Variants in TASP1 observed in about 807,000 individuals in gnomAD.
TASP1 encodes the protein taspase 1.
TASP1 carries 16 observed loss-of-function variants against 56.6 expected under a neutral mutation model. The ratio of observed to expected loss-of-function variants is 0.28; its 90% CI spans 0.19 to 0.43. The LOEUF (loss-of-function observed/expected upper bound fraction) is 0.43. Among genes scored for constraint, TASP1 ranks in the 20% least tolerant of loss-of-function variants. The pLI is 1.00. For synonymous variants in TASP1, 179 were observed against 184.2 expected, an observed-to-expected ratio of 0.97 and a Z score of 0.23; for missense variants, 393 against 511.6, an observed-to-expected ratio of 0.77 and a Z score of 2.24.
chr20:13,615,467 A>G (rs2048488738), intron 4 of TASP1, among the ~76,000 whole-genome samples: 1 of 151,248 alleles, frequency 6.6e-6, no homozygotes, highest in African/African-American at 2.4e-5. Flanking sequence ...AAAGAGAGAG[A>G]GGAGAGCAAG....
chr20:13,106,778 C>A, the TASP1 span, among the ~76,000 whole-genome samples: 1 of 152,210 alleles, frequency 6.6e-6, no homozygotes, highest in Non-Finnish European at 1.5e-5. Context: ...TGGGCATTTT[C>A]TTTTCCTGTC....
the TASP1 span, chr20:13,164,865 T>G: frequency 1.2e-6 from 2 of 1,612,018 alleles, no homozygotes; most frequent in Non-Finnish European, 1.7e-6. Context: ...ACTCGAAGAT[T>G]AAGTTTCCTG....
At chr20:13,638,223 A>AATT (rs1204484067) in intron 1 of TASP1, among the ~76,000 whole-genome samples, 1 of 152,194 alleles carries the variant, frequency 6.6e-6, no homozygotes, top group Non-Finnish European at 1.5e-5. Context: ...TTCGCTAATA[A>AATT]AGAATAATAA....
chr20:13,275,647 G>C, the TASP1 span, among the ~76,000 whole-genome samples: 3 of 152,186 alleles, frequency 2.0e-5, no homozygotes, highest in African/African-American at 4.8e-5. Context: ...CAGCTATGTA[G>C]TATAATACTA....
the TASP1 span, among the ~76,000 whole-genome samples, chr20:13,351,784 AT>A: frequency 9.2e-5 from 14 of 152,254 alleles, no homozygotes; most frequent in African/African-American, 3.4e-4. Flanking sequence ...ATAAATTGAA[AT>A]TTTTTCAAAT....
chr20:13,242,700 T>C, the TASP1 span, among the ~76,000 whole-genome samples: 1 of 152,166 alleles, frequency 6.6e-6, no homozygotes, highest in Non-Finnish European at 1.5e-5. Context: ...GGCTGTTGTT[T>C]CTATGCTTAT....
chr20:13,580,212 C>G (rs1337004118), intron 6 of TASP1, among the ~76,000 whole-genome samples: 1 of 152,162 alleles, frequency 6.6e-6, no homozygotes, highest in African/African-American at 2.4e-5. Context: ...TCTGGGAGGC[C>G]AAGGCAGGAG....
the TASP1 span, chr20:13,239,569 G>A: frequency 2.0e-5 from 3 of 152,136 alleles, no homozygotes; most frequent in South Asian, 6.2e-4. Flanking sequence ...CAGGATACGT[G>A]GGCACATGAC....
intron 7 of TASP1, among the ~76,000 whole-genome samples, chr20:13,566,389 A>G (rs1019544575): frequency 5.9e-5 from 9 of 152,206 alleles, no homozygotes; most frequent in African/African-American, 2.2e-4. Context: ...ATGTTTACAG[A>G]AGCTTTATTC....
At chr20:13,479,238 T>C (rs947749949) in intron 11 of TASP1, among the ~76,000 whole-genome samples, 6 of 152,074 alleles carry the variant, frequency 3.9e-5, no homozygotes, top group African/African-American at 2.4e-5. Context: ...TGCATTGTAA[T>C]GAGAATCACT....
At chr20:13,594,393 G>A (rs1289981439) in intron 4 of TASP1, among the ~76,000 whole-genome samples, 1 of 152,238 alleles carries the variant, frequency 6.6e-6, no homozygotes, top group Non-Finnish European at 1.5e-5. Flanking sequence ...GATGACAGAA[G>A]TAGGCTTCAG....
At chr20:13,309,062 A>C in the TASP1 span, among the ~76,000 whole-genome samples, 1 of 152,214 alleles carries the variant, frequency 6.6e-6, no homozygotes, top group Admixed American at 6.5e-5. Flanking sequence ...TTGTTGTATC[A>C]GCCTGAACTG....
the TASP1 span, among the ~76,000 whole-genome samples, chr20:13,141,095 A>AG: frequency 6.6e-6 from 1 of 152,162 alleles, no homozygotes; most frequent in African/African-American, 2.4e-5. Context: ...TAGGGCATTG[A>AG]GGGGGGAAAG....
the TASP1 span, among the ~76,000 whole-genome samples, chr20:13,178,134 C>G: frequency 6.6e-6 from 1 of 151,808 alleles, no homozygotes; most frequent in Admixed American, 6.6e-5. Context: ...TACAAAGGGT[C>G]AACAAATACA....
chr20:13,301,859 T>A, the TASP1 span, among the ~76,000 whole-genome samples: 706 of 152,304 alleles, frequency 4.6e-3, 4 homozygotes, highest in African/African-American at 0.016. Flanking sequence ...AACCCTCTGA[T>A]GTGTTTGTTA....
chr20:13,405,509 G>A (rs1178667175), intron 13 of TASP1, among the ~76,000 whole-genome samples: 1 of 151,926 alleles, frequency 6.6e-6, no homozygotes, highest in Non-Finnish European at 1.5e-5. Flanking sequence ...GATTATTCTG[G>A]CCCTCCACAT....
intron 4 of TASP1, among the ~76,000 whole-genome samples, chr20:13,597,517 T>C (rs780210335): frequency 5.8e-4 from 89 of 152,194 alleles, no homozygotes; most frequent in Non-Finnish European, 1.2e-4. Flanking sequence ...AACTAGGTAC[T>C]GATGGAATGT....
At position 13,623,509 on chromosome 20, in the gene TASP1, A is replaced by G. The variant is rs112007488; in HGVS notation, c.219T>C (p.Ile73=). The G allele has an allele frequency of 2.5e-6, 4 of 1,597,752 alleles. No homozygotes were observed. The Admixed American group carries it at 6.7e-5, about 27-fold the overall frequency. ...HVCKRACQKA[I]EKLQAGALAT... ...CAAGAGCACCGGCCTGCAGCTTTTC[A>G]ATTGCCTATGAAACCAAGGGGAGAG... The change falls in exon 4 of 14, where the codon ATT becomes ATC. Residue 73 remains isoleucine, a synonymous_variant. Coordinates refer to ENST00000337743, the MANE Select transcript of TASP1 (RefSeq NM_017714.3).
the TASP1 span, among the ~76,000 whole-genome samples, chr20:13,305,497 T>A: frequency 6.6e-6 from 1 of 152,294 alleles, no homozygotes; most frequent in East Asian, 1.9e-4. Context: ...AGTTCTCTGT[T>A]TGTCATTCAT....
Sources: allele counts gnomAD v4.1 joint callset (sites outside exome capture counted in the v4.1 genomes callset), GRCh38; gene constraint gnomAD v4.1.1; transcripts MANE v1.5; gene names NCBI Gene and HGNC (gene_info 2026-07-23, HGNC 2026-07-21).